The following DHX37 variants were observed in gnomAD, a reference collection of about 807,000 sequenced individuals.
DHX37 encodes probable ATP-dependent RNA helicase DHX37.
A neutral mutation model predicts 134.3 loss-of-function variants in DHX37; 52 were observed. The observed-to-expected ratio is 0.39, with a 90% CI of 0.31 to 0.49. The LOEUF is 0.49. Ranked by LOEUF, DHX37 falls within the 20% of genes least tolerant of loss-of-function variation. DHX37 has a pLI of 0.93. For synonymous variants in DHX37, 634 were observed against 670.7 expected, an observed-to-expected ratio of 0.95 and a Z score of 0.85; for missense variants, 1,344 against 1,580.8, an observed-to-expected ratio of 0.85 and a Z score of 2.54.
At chr12:124,986,382 T>A in intron 1 of DHX37, 117 bp from the exon 2 acceptor site, 1 of 1,103,928 alleles carries the variant, frequency 9.1e-7, no homozygotes, top group Non-Finnish European at 1.3e-6. Context: ...AACAGGGGGA[T>A]CTGTGAGCTC....
Position 124,950,771 on chromosome 12 carries a change from G to A in DHX37, c.2902C>T (p.Pro968Ser), listed in dbSNP as rs1385720518. 2 of 1,609,388 alleles carry A rather than the reference G, an allele frequency of 1.2e-6. No homozygotes were observed. Among genetic ancestry groups the A allele is most frequent in the Non-Finnish European group, 8.5e-7 (1 of 1,178,806 alleles). Residue 968 changes from proline (P) to serine (S), a missense_variant, in exon 22 of 27, where the codon CCC becomes TCC. This residue lies in a region of DHX37 where 558 missense variants were observed against 650.0 expected (regional missense o/e 0.86). Coordinates refer to ENST00000308736, the MANE Select transcript of DHX37 (RefSeq NM_032656.4). Reference protein sequence around the residue: ...PLLDDPVFIHPSSVLFKELPE... With the variant: ...PLLDDPVFIHSSSVLFKELPE... ...AGCTCTTTGAAAAGGACGGAGCTGG[G>A]GTGGATGAAGACAGGGTCGTCGAGG...
chr12:124,988,004 TTTTTTTTG>T (rs1954907372), intron 1 of DHX37, among the ~76,000 whole-genome samples: 1 of 147,252 alleles, frequency 6.8e-6, no homozygotes, highest in African/African-American at 2.5e-5. Context: ...TTTTTTTTTT[TTTTTTTTG>T]AGATGGAGTC....
At chr12:124,951,645 C>A (rs577491458) in intron 21 of DHX37, among the ~76,000 whole-genome samples, 37 of 152,314 alleles carry the variant, frequency 2.4e-4, no homozygotes, top group Non-Finnish European at 4.1e-4. Flanking sequence ...CATCCTAACA[C>A]TTTGGGAGGC....
In DHX37 at chr12:124,951,452, C is replaced by T. The variant is rs533967473; in HGVS notation, c.2869-648G>A. ...CAGATGGAAAGCAGGATCATGAAAA[C>T]GGGGGTGACGGGGAACTGGGGACTC... On this transcript the variant is annotated intron_variant, in intron 21 of 26. Coordinates refer to ENST00000308736, the MANE Select transcript of DHX37 (RefSeq NM_032656.4). Among the ~76,000 whole-genome samples the T allele has an allele frequency of 1.1e-4, 17 of 152,238 alleles. No homozygotes were observed. In the South Asian group the frequency reaches 1.2e-3, roughly 11 times the overall value.
chr12:124,984,389 C>T (rs968679779), intron 2 of DHX37, among the ~76,000 whole-genome samples: 3 of 151,962 alleles, frequency 2.0e-5, no homozygotes, highest in Admixed American at 6.6e-5. Context: ...CAAAGTTAGC[C>T]GGACGTGGTG....
At chr12:124,963,737 G>A (rs999882364) in intron 15 of DHX37, among the ~76,000 whole-genome samples, 10 of 151,034 alleles carry the variant, frequency 6.6e-5, no homozygotes, top group African/African-American at 2.4e-4. Context: ...AAAATTAGCC[G>A]GGCGTGGTGG....
At chr12:124,985,946 T>A in intron 2 of DHX37, 150 bp downstream of exon 2, 1 of 850,396 alleles carries the variant, frequency 1.2e-6, no homozygotes, top group South Asian at 1.8e-5. Context: ...ATGTGGTTAG[T>A]GGCTACCGCA....
chr12:124,974,786 T>C (rs1954598834), intron 6 of DHX37, among the ~76,000 whole-genome samples: 1 of 145,978 alleles, frequency 6.9e-6, no homozygotes, highest in Non-Finnish European at 1.5e-5. Flanking sequence ...AGATTTTTTT[T>C]TTTTTTTGAG....
chr12:124,980,614 G>T lies in DHX37; in HGVS notation c.614C>A (p.Pro205His). The T allele has an allele frequency of 6.2e-7, 1 of 1,609,996 alleles. No individual in the cohort carries two copies. The change falls in exon 4 of 27, where the codon CCC becomes CAC. Residue 205 changes from proline to histidine, a missense_variant. Coordinates refer to ENST00000308736, the MANE Select transcript of DHX37 (RefSeq NM_032656.4). This position sits in a 1 kb window ranked among gnomAD's most constrained non-coding sequence, Gnocchi z 5.3. ...TVAPLPPAPA[P>H]SSQPVPAGMT... ...CCCAGCCGGCACGGGCTGACTGCTG[G>T]GTGCTGGAGCTGGCGGCAGAGGTGC...
At position 124,967,235 on chromosome 12, in the gene DHX37, C is replaced by G. The variant is rs772891536; in HGVS notation, c.1409-17G>C. ...GGATGCCACCTGTGGAAAGAATGGGCCCCTCTGTTATCCATCAGTCACTCA... is the reference window on the plus strand; with the variant it reads ...GGATGCCACCTGTGGAAAGAATGGGGCCCTCTGTTATCCATCAGTCACTCA... On this transcript the variant is annotated splice_polypyrimidine_tract_variant and intron_variant, in intron 10 of 26. Transcript: ENST00000308736. 6.2e-7 allele frequency: 1 copy of G among 1,612,000 alleles called. No individual in the cohort carries two copies.
At chr12:124,971,890 G>A (rs1954531708) in intron 7 of DHX37, among the ~76,000 whole-genome samples, 1 of 152,242 alleles carries the variant, frequency 6.6e-6, no homozygotes, top group South Asian at 2.1e-4. Context: ...AGCATGGGGT[G>A]CTTCCCCAAG....
At position 124,967,210 on chromosome 12, in the gene DHX37, G is replaced by C. The variant is rs1954407809; in HGVS notation, c.1417C>G (p.Leu473Val). 6.2e-7 allele frequency: 1 copy of C among 1,613,736 alleles called. No individual in the cohort carries two copies. The highest frequency in any genetic ancestry group is 8.5e-7 in the Non-Finnish European group (1 of 1,180,008). Reference sequence around the variant, plus strand: ...TCAGCCTGCCCCGTCAGGAACACCAGGATGCCACCTGTGGAAAGAATGGGC... The same window carrying C: ...TCAGCCTGCCCCGTCAGGAACACCACGATGCCACCTGTGGAAAGAATGGGC... The part of the protein sequence containing the change: ...IHRMLPAGGI[L>V]VFLTGQAEVH... Residue 473 changes from leucine (L) to valine (V), a missense_variant, in exon 11 of 27, where the codon CTG becomes GTG. This residue lies in a region of DHX37 where 289 missense variants were observed against 323.8 expected (regional missense o/e 0.89). Coordinates refer to ENST00000308736, the MANE Select transcript of DHX37 (RefSeq NM_032656.4).
rs1284076113 is a variant in DHX37, at chr12:124,950,419, C to T, written c.3115G>A (p.Val1039Met). The change falls in exon 23 of 27, where the codon GTG (valine) becomes ATG (methionine). Residue 1039 changes from valine (V) to methionine (M), a missense_variant. Val to Met is a conservative substitution (Grantham distance 21). Around this residue, in one of 7 missense-constraint regions of DHX37, gnomAD observed 558 missense variants for 650.0 expected, o/e 0.86. Transcript: ENST00000308736. The part of the protein sequence containing the change: ...RGRVLCHRAS[V>M]FYRVGWPLPA... ...GGACACTGCCCCAACTCACAGAACACGCTGGCCCGGTGACACAGCACCCGC... is the reference window on the plus strand; with the variant it reads ...GGACACTGCCCCAACTCACAGAACATGCTGGCCCGGTGACACAGCACCCGC... 5.0e-6 allele frequency: 8 copies of T among 1,599,432 alleles called. No homozygotes were observed. The highest frequency in any genetic ancestry group is 3.4e-5 in the South Asian group (3 of 89,098).
rs1196869005 is a variant in DHX37, at chr12:124,952,747, C to CA, written c.2696-178_2696-177insT. 1.8e-3 allele frequency: 951 copies of CA among 517,914 alleles called. 6 individuals are homozygous for CA. Among genetic ancestry groups the CA allele is most frequent in the Non-Finnish European group, 2.2e-3 (726 of 325,244 alleles). 32.1% of individuals were successfully genotyped at this position (517,914 alleles called of 1,614,324 possible). ...AGCCCCCAGCAGGCAGGATTGCAGCCGCCCCCCCATTCCCTCCTTCTCCCT... is the reference window on the plus strand; with the variant it reads ...AGCCCCCAGCAGGCAGGATTGCAGCCAGCCCCCCCATTCCCTCCTTCTCCCT... On this transcript the variant is annotated intron_variant, in intron 20 of 26. Transcript: ENST00000308736.
At chr12:124,950,348 C>A (rs1953951973) in intron 23 of DHX37, 65 bp downstream of exon 23, 6 of 1,595,780 alleles carry the variant, frequency 3.8e-6, no homozygotes, top group Non-Finnish European at 5.1e-6. Flanking sequence ...GGGGACAGGA[C>A]CGTGTGTCCG....
chr12:124,954,039 C>G (rs764591153), intron 19 of DHX37, 43 bp from the exon 20 acceptor site: 3 of 1,610,612 alleles, frequency 1.9e-6, no homozygotes, highest in Non-Finnish European at 2.5e-6. Context: ...TGACCCATCC[C>G]AGACCTGGGT....
Position 124,950,452 on chromosome 12 carries a change from C to T in DHX37, c.3082G>A (p.Glu1028Lys), listed in dbSNP as rs144143802. ...CGGTGACACAGCACCCGCCCCCGCTCGGGGCAGTATGTAGGGGCTGGTTCC... is the reference window on the plus strand; with the variant it reads ...CGGTGACACAGCACCCGCCCCCGCTTGGGGCAGTATGTAGGGGCTGGTTCC... ...LEEPAPTYCP[E>K]RGRVLCHRAS... is the part of the protein sequence containing the mutation. Residue 1028 changes from glutamate (E) to lysine (K), a missense_variant, in exon 23 of 27, where the codon GAG (glutamate) becomes AAG (lysine). Physicochemically the swap from Glu to Lys is moderately conservative, Grantham distance 56. This residue lies in a region of DHX37 where 558 missense variants were observed against 650.0 expected (regional missense o/e 0.86). Coordinates refer to ENST00000308736, the MANE Select transcript of DHX37 (RefSeq NM_032656.4). 74 of 1,591,224 alleles carry T rather than the reference C, an allele frequency of 4.7e-5. No individual in the cohort carries two copies. The highest frequency in any genetic ancestry group is 2.7e-4 in the African/African-American group (20 of 74,388).
chr12:124,964,346 A>G lies in DHX37; in HGVS notation c.2045+48T>C, dbSNP rs554697389. On this transcript the variant is annotated intron_variant, in intron 15 of 26. Transcript: ENST00000308736. ...ATCCTTCCCTTGTTCCTCAGTGGCTATTGCAAGGCGGCACCAACGTCCCTG... is the reference window on the plus strand; with the variant it reads ...ATCCTTCCCTTGTTCCTCAGTGGCTGTTGCAAGGCGGCACCAACGTCCCTG... 3.1e-6 allele frequency: 5 copies of G among 1,604,830 alleles called. No individual in the cohort carries two copies. The African/African-American group carries it at 6.7e-5, about 21-fold the overall frequency.
At chr12:124,953,620 C>T (rs534765747) in intron 20 of DHX37, 12 of 516,704 alleles carry the variant, frequency 2.3e-5, no homozygotes, top group African/African-American at 9.7e-5. Context: ...CAGGGGGTAT[C>T]GCCAGGGAAA....
Sources: gnomAD v4.1 joint callset for allele counts (sites outside exome capture counted in the v4.1 genomes callset) on GRCh38, gnomAD v4.1.1 for gene constraint, gnomAD v4.1.1 regional missense constraint, Gnocchi (gnomAD v3.1) non-coding constraint, MANE v1.5 for transcripts, NCBI Gene and HGNC (gene_info 2026-07-23, HGNC 2026-07-21) for gene names.